APOO: variants seen among roughly 807,000 people sequenced by gnomAD.
The protein encoded by APOO is MICOS complex subunit MIC26.
A neutral mutation model predicts 23.1 loss-of-function variants in APOO; 11 were observed. That is an observed-to-expected ratio of 0.48 (90% CI 0.30 to 0.79). The LOEUF is 0.79. Ranked by LOEUF, APOO falls within the 30% of genes least tolerant of loss-of-function variation. The pLI is 0.07. For synonymous variants in APOO, 59 were observed against 54.8 expected, an observed-to-expected ratio of 1.08 and a Z score of -0.34; for missense variants, 160 against 142.7, an observed-to-expected ratio of 1.12 and a Z score of -0.62.
Position 23,840,327 on chromosome X carries a change from A to T in APOO, c.*15T>A. 8.4e-6 allele frequency: 10 copies of T among 1,186,795 alleles called. No homozygotes were observed. The highest frequency in any genetic ancestry group is 1.0e-5 in the Non-Finnish European group (9 of 883,429). ...TTGTTTTTTACCTGATTAAGATGGC[A>T]GAGCATGGAGTTTTCTACTTAGTTC... On this transcript the variant is annotated 3_prime_UTR_variant, in exon 8 of 9. Transcript: ENST00000379226.
intron 5 of APOO, among the ~76,000 whole-genome samples, chrX:23,865,136 G>C: frequency 9.0e-6 from 1 of 111,621 alleles, no homozygotes. Context: ...ATGCTGGGGA[G>C]AGCCACCAGA....
chrX:23,858,559 CAAAAT>C (rs1437117853), intron 6 of APOO, 78 bp downstream of exon 6: 1 of 967,592 alleles, frequency 1.0e-6, no homozygotes, highest in Non-Finnish European at 1.4e-6. Flanking sequence ...ATAAGAACTG[CAAAAT>C]AAAATAAAAT....
At chrX:23,884,577 G>T (rs748373092) in intron 1 of APOO, among the ~76,000 whole-genome samples, 8 of 111,734 alleles carry the variant, frequency 7.2e-5, no homozygotes, top group Admixed American at 3.8e-4. Flanking sequence ...ATTAATTTTT[G>T]TGGAATCTAA....
rs768365876 is a variant in APOO at position 23,874,591 on chromosome X, G to A, written c.238-134C>T. The A allele has an allele frequency of 8.2e-6, 4 of 487,248 alleles. No homozygotes were observed. In the South Asian group the frequency reaches 1.2e-4, roughly 14 times the overall value. 40.2% of individuals were successfully genotyped at this position (487,248 alleles called of 1,213,427 possible). A position where few individuals can be genotyped will look rare whatever the true frequency, so the allele number is the denominator to read the frequency against. ...CGCTTTTTGAACAAAGGGATACACTGTCTGTCTGGGTCTTTTTGTTTGTTT... is the reference window on the plus strand; with the variant it reads ...CGCTTTTTGAACAAAGGGATACACTATCTGTCTGGGTCTTTTTGTTTGTTT... On this transcript the variant is annotated intron_variant, in intron 3 of 8. Coordinates refer to ENST00000379226, the MANE Select transcript of APOO (RefSeq NM_024122.5).
chrX:23,904,952 C>T (rs1031999042), intron 1 of APOO, among the ~76,000 whole-genome samples: 1 of 111,192 alleles, frequency 9.0e-6, no homozygotes, highest in Non-Finnish European at 1.9e-5. Flanking sequence ...TTTTCTCCCT[C>T]GATTTTCTAA....
At chrX:23,894,973 C>T (rs1001015143) in intron 1 of APOO, among the ~76,000 whole-genome samples, 1 of 109,357 alleles carries the variant, frequency 9.1e-6, no homozygotes, top group Non-Finnish European at 1.9e-5. Flanking sequence ...AGTGTGAAAC[C>T]CTGTCTCTAC....
At chrX:23,874,479 G>A in intron 3 of APOO, 22 bp from the exon 4 acceptor site, 4 of 1,155,614 alleles carry the variant, frequency 3.5e-6, no homozygotes, top group Non-Finnish European at 4.7e-6. Flanking sequence ...AAAAGAAACT[G>A]AATGAAACTA....
chrX:23,888,715 T>C (rs1926481472), intron 1 of APOO, among the ~76,000 whole-genome samples: 1 of 108,705 alleles, frequency 9.2e-6, no homozygotes. Flanking sequence ...CCAGGCATGG[T>C]GGCATGTGCC....
rs181886030 is a variant in APOO at position 23,888,335 on chromosome X, A to C, written c.10-7383T>G. Among the ~76,000 whole-genome samples the C allele has an allele frequency of 2.1e-4, 23 of 111,978 alleles. No homozygotes were observed. The East Asian group carries it at 6.5e-3, about 31-fold the overall frequency. On this transcript the variant is annotated intron_variant, in intron 1 of 8. Coordinates refer to ENST00000379226, the MANE Select transcript of APOO (RefSeq NM_024122.5). ...TGCGAAGGACTGATGTTGGCAAAAC[A>C]AATCTGGTCAGGCAAGCAAGGTTAT... is the stretch of plus-strand genomic sequence containing the variant.
In APOO at chrX:23,880,939, G is replaced by A. The variant is rs1441379176; in HGVS notation, c.23C>T (p.Ser8Phe). The A allele has an allele frequency of 8.5e-7, 1 of 1,176,713 alleles. No homozygotes were observed. Among genetic ancestry groups the A allele is most frequent in the Admixed American group, 2.4e-5 (1 of 40,878 alleles). The change falls in exon 2 of 9, where the codon TCC becomes TTC. Residue 8 changes from serine to phenylalanine, a missense_variant. Coordinates refer to ENST00000379226, the MANE Select transcript of APOO (RefSeq NM_024122.5). ...CAAGCTCAGGCTGGCTGGCCCCACG[G>A]ACCTCTGAATTACCTGAAATGCAGA... MFKVIQR[S>F]VGPASLSLLT...
intron 5 of APOO, among the ~76,000 whole-genome samples, chrX:23,861,664 G>A (rs1234320552): frequency 9.2e-6 from 1 of 108,556 alleles, no homozygotes; most frequent in Non-Finnish European, 1.9e-5. Flanking sequence ...GAAGGGGTGA[G>A]TATGTCAGTG....
chrX:23,878,822 C>G (rs1181050631), intron 3 of APOO, 93 bp downstream of exon 3: 1 of 1,066,290 alleles, frequency 9.4e-7, no homozygotes, highest in Non-Finnish European at 1.3e-6. Flanking sequence ...GGCCCTTTAT[C>G]ATGCCTTTTT....
intron 4 of APOO, 89 bp from the exon 5 acceptor site, chrX:23,868,777 ATAGT>A: frequency 1.6e-6 from 1 of 622,964 alleles, no homozygotes; most frequent in Non-Finnish European, 2.4e-6. Context: ...ATATGTATAT[ATAGT>A]ATCAAGTGCT....
At chrX:23,882,255 T>C (rs1285680447) in intron 1 of APOO, among the ~76,000 whole-genome samples, 1 of 112,566 alleles carries the variant, frequency 8.9e-6, no homozygotes, top group Non-Finnish European at 1.9e-5. Flanking sequence ...TTTTTCTTAA[T>C]GGCTTTCAGC....
At chrX:23,885,290 T>G (rs1926320322) in intron 1 of APOO, among the ~76,000 whole-genome samples, 1 of 108,822 alleles carries the variant, frequency 9.2e-6, no homozygotes, top group Admixed American at 1.0e-4. Flanking sequence ...TCCCAGCTAC[T>G]CGGGAGGCTG....
chrX:23,850,992 T>C (rs1227024616), intron 7 of APOO, among the ~76,000 whole-genome samples: 2 of 111,373 alleles, frequency 1.8e-5, no homozygotes, highest in Non-Finnish European at 3.8e-5. Context: ...AATATGTATA[T>C]TTAGACTTAA....
chrX:23,840,264 G>A, intron 8 of APOO, 49 bp downstream of exon 8: 1 of 749,170 alleles, frequency 1.3e-6, no homozygotes, highest in South Asian at 3.5e-5. Flanking sequence ...AGTCATTTCA[G>A]CTGGCACTAC....
chrX:23,869,275 A>G (rs748438735), intron 4 of APOO, among the ~76,000 whole-genome samples: 1 of 111,603 alleles, frequency 9.0e-6, no homozygotes, highest in South Asian at 3.8e-4. Flanking sequence ...ATGTTAAATT[A>G]CTTTCATATT....
At chrX:23,907,617 G>A (rs1927425159) in intron 1 of APOO, 77 bp downstream of exon 1, 3 of 1,058,764 alleles carry the variant, frequency 2.8e-6, no homozygotes, top group Non-Finnish European at 3.8e-6. Flanking sequence ...CTGCAGAGAG[G>A]CCCCAAGAGA....
Sources: allele counts gnomAD v4.1 joint callset (sites outside exome capture counted in the v4.1 genomes callset), GRCh38; gene constraint gnomAD v4.1.1; transcripts MANE v1.5; gene names NCBI Gene and HGNC (gene_info 2026-07-23, HGNC 2026-07-21).